Variants in TMEM232 observed in about 807,000 individuals in gnomAD.
The protein encoded by TMEM232 is transmembrane protein 232.
TMEM232 carries 80 observed loss-of-function variants against 78.8 expected under a neutral mutation model. That is an observed-to-expected ratio of 1.01 (90% confidence interval 0.85 to 1.22). The LOEUF is 1.22. TMEM232 is among the 50% of genes most tolerant of loss of function. TMEM232 has a pLI of 0.00. For synonymous variants in TMEM232, 297 were observed against 254.3 expected (o/e 1.17, Z -1.60); for missense variants, 881 against 742.2 (o/e 1.19, Z -2.17).
chr5:110,464,127 C>T (rs762567561), intron 12 of TMEM232, among the ~76,000 whole-genome samples: 45 of 152,222 alleles, frequency 3.0e-4, no homozygotes, highest in Non-Finnish European at 6.0e-4. Flanking sequence ...TCTCACACAC[C>T]GAAGTTACAC....
intron 6 of TMEM232, among the ~76,000 whole-genome samples, chr5:110,626,289 A>C (rs1784417816): frequency 6.6e-6 from 1 of 152,064 alleles, no homozygotes; most frequent in Admixed American, 6.6e-5. Context: ...AATCATCTGA[A>C]TATTTGGTAA....
chr5:110,434,458 G>GTAA (rs1244808566), intron 12 of TMEM232, among the ~76,000 whole-genome samples: 3 of 151,406 alleles, frequency 2.0e-5, no homozygotes, highest in East Asian at 3.9e-4. Context: ...CGTTGAATAA[G>GTAA]TAATAATAAT....
At position 110,427,028 on chromosome 5, in the gene TMEM232, T is replaced by C. The variant is rs118190567; in HGVS notation, c.1704-2112A>G. Reference sequence around the variant, plus strand: ...ACAAATGAATATGCTTATACATCTGTGATTTCTTAGTTACCTCAGTTGAAT... The same window carrying C: ...ACAAATGAATATGCTTATACATCTGCGATTTCTTAGTTACCTCAGTTGAAT... On this transcript the variant is annotated intron_variant, in intron 12 of 13. Coordinates refer to ENST00000455884, the MANE Select transcript of TMEM232 (RefSeq NM_001039763.4). Among the ~76,000 whole-genome samples the C allele has an allele frequency of 3.5e-4, 53 of 152,114 alleles. No homozygotes were observed. The East Asian group carries it at 9.9e-3, about 28-fold the overall frequency.
rs556267215 is a variant in TMEM232 at position 110,510,946 on chromosome 5, A to G, written c.1703+17642T>C. ...TGACCCAGCAATCTCATTACTGGGT[A>G]TATACGCAAAGGATTATAAATCATT... On this transcript the variant is annotated intron_variant, in intron 12 of 13. Coordinates refer to ENST00000455884, the MANE Select transcript of TMEM232 (RefSeq NM_001039763.4). Among the ~76,000 whole-genome samples, 4 of 152,328 alleles carry G rather than the reference A, an allele frequency of 2.6e-5. No homozygotes were observed. The South Asian group carries it at 8.3e-4, about 32-fold the overall frequency.
chr5:110,410,078 C>A (rs1202358024), intron 2 of TMEM232, among the ~76,000 whole-genome samples: 1 of 152,086 alleles, frequency 6.6e-6, no homozygotes, highest in Non-Finnish European at 1.5e-5. Flanking sequence ...AAAATGCTTG[C>A]GCATTACACC....
At chr5:110,688,802 T>C (rs753714566) in intron 1 of TMEM232, among the ~76,000 whole-genome samples, 21 of 152,188 alleles carry the variant, frequency 1.4e-4, no homozygotes, top group Admixed American at 3.3e-4. Flanking sequence ...CTAAATAAGA[T>C]GGCTATACAA....
Position 110,625,363 on chromosome 5 carries a change from T to G in TMEM232, c.672A>C (p.Lys224Asn), listed in dbSNP as rs920803661. The G allele has an allele frequency of 6.5e-7, 1 of 1,548,122 alleles. No homozygotes were observed. The highest frequency in any genetic ancestry group is 2.0e-5 in the Admixed American group (1 of 50,782). Residue 224 changes from lysine (K) to asparagine (N), a missense_variant, in exon 7 of 14, where the codon AAA becomes AAC. Transcript: ENST00000455884. ...NIFSNVQFIL[K>N]ASEIIGKREL... is the part of the protein sequence containing the mutation. ...CTCTTTTACCTATAATTTCCGAGGC[T>G]TTCAGGATGAATTGCACATTTGAAA...
At chr5:110,706,353 T>A (rs185139174) in intron 1 of TMEM232, among the ~76,000 whole-genome samples, 2 of 152,278 alleles carry the variant, frequency 1.3e-5, no homozygotes, top group Admixed American at 1.3e-4. Context: ...AATATGTTGT[T>A]TCTTTTCTAT....
chr5:110,465,055 G>GTCTA (rs1761929672), intron 12 of TMEM232, among the ~76,000 whole-genome samples: 1 of 152,192 alleles, frequency 6.6e-6, no homozygotes, highest in South Asian at 2.1e-4. Context: ...AGCTGAGATG[G>GTCTA]TCTAACAAAT....
At chr5:110,704,856 A>G (rs933934074) in intron 1 of TMEM232, among the ~76,000 whole-genome samples, 1 of 152,234 alleles carries the variant, frequency 6.6e-6, no homozygotes, top group East Asian at 1.9e-4. Context: ...TTAGTATCCA[A>G]AAGCCCTGAT....
At chr5:110,605,826 C>T (rs1157598585) in intron 9 of TMEM232, among the ~76,000 whole-genome samples, 2 of 151,958 alleles carry the variant, frequency 1.3e-5, no homozygotes, top group African/African-American at 2.4e-5. Flanking sequence ...TCTAAAGAAA[C>T]AGAAGTGTTG....
intron 1 of TMEM232, among the ~76,000 whole-genome samples, chr5:110,681,809 G>A (rs979770084): frequency 6.6e-6 from 1 of 152,114 alleles, no homozygotes; most frequent in Non-Finnish European, 1.5e-5. Context: ...GCTAAAAAGA[G>A]AGTCTTGAAC....
At chr5:110,515,962 G>A (rs906163286) in intron 12 of TMEM232, among the ~76,000 whole-genome samples, 3 of 152,146 alleles carry the variant, frequency 2.0e-5, no homozygotes, top group Non-Finnish European at 2.9e-5. Flanking sequence ...ATTTGAGGCC[G>A]GGCACGGTGG....
chr5:110,476,649 T>C (rs1232221190), intron 12 of TMEM232, among the ~76,000 whole-genome samples: 1 of 152,022 alleles, frequency 6.6e-6, no homozygotes, highest in African/African-American at 2.4e-5. Context: ...AAGAATTAAG[T>C]TGACAGTGGA....
chr5:110,526,414 A>G lies in TMEM232; in HGVS notation c.1703+2174T>C, dbSNP rs1421102390. Among the ~76,000 whole-genome samples, 4 of 151,968 alleles carry G rather than the reference A, an allele frequency of 2.6e-5. No individual in the cohort carries two copies. In the East Asian group the frequency reaches 7.7e-4, roughly 29 times the overall value. ...TGGGCAAAAAAAATAATTTCCAAATAAAGAAAAAACAAAAGGCTCTGTAAA... is the reference window on the plus strand; with the variant it reads ...TGGGCAAAAAAAATAATTTCCAAATGAAGAAAAAACAAAAGGCTCTGTAAA... On this transcript the variant is annotated intron_variant, in intron 12 of 13. Transcript: ENST00000455884.
At chr5:110,537,280 T>TA (rs1457973045) in intron 11 of TMEM232, among the ~76,000 whole-genome samples, 27 of 141,730 alleles carry the variant, frequency 1.9e-4, no homozygotes, top group African/African-American at 7.8e-4. Context: ...AGAAAACTTA[T>TA]ATATATATAT....
intron 1 of TMEM232, among the ~76,000 whole-genome samples, chr5:110,699,336 A>G (rs1379620636): frequency 6.6e-6 from 1 of 152,060 alleles, no homozygotes; most frequent in East Asian, 1.9e-4. Context: ...GAAATAATAC[A>G]TCTAACTGAA....
chr5:110,646,525 T>C (rs1349414726), intron 2 of TMEM232, among the ~76,000 whole-genome samples: 1 of 151,800 alleles, frequency 6.6e-6, no homozygotes, highest in Non-Finnish European at 1.5e-5. Flanking sequence ...TAGACCCTTA[T>C]CCCACACCAT....
At chr5:110,703,012 T>C (rs997667453) in intron 1 of TMEM232, among the ~76,000 whole-genome samples, 19 of 151,880 alleles carry the variant, frequency 1.3e-4, no homozygotes, top group Admixed American at 7.2e-4. Flanking sequence ...AGCCATCCAA[T>C]TACAAAAAAA....
Sources: allele counts gnomAD v4.1 joint callset (sites outside exome capture counted in the v4.1 genomes callset), GRCh38; gene constraint gnomAD v4.1.1; transcripts MANE v1.5; gene names NCBI Gene and HGNC (gene_info 2026-07-23, HGNC 2026-07-21).